Variants in HMG20A observed in about 807,000 individuals in gnomAD.
HMG20A encodes high mobility group protein 20A.
HMG20A carries 17 observed loss-of-function variants against 43.9 expected under a neutral mutation model. The ratio of observed to expected loss-of-function variants is 0.39; its 90% CI spans 0.27 to 0.58. The LOEUF is 0.58. Ranked by LOEUF, HMG20A falls within the 20% of genes least tolerant of loss-of-function variation. HMG20A has a pLI of 0.59. For missense variants in HMG20A, 341 were observed against 438.2 expected (o/e 0.78, Z 1.98); for synonymous variants, 132 against 147.5 (o/e 0.89, Z 0.76).
At chr15:77,467,330 CTTTG>C (rs768727007) in intron 4 of HMG20A, 23 bp downstream of exon 4, 4 of 1,569,976 alleles carry the variant, frequency 2.5e-6, no homozygotes, top group Non-Finnish European at 3.5e-6. Flanking sequence ...ATTCCTGACT[CTTTG>C]TTTGGTTTTG....
intron 1 of HMG20A, among the ~76,000 whole-genome samples, chr15:77,435,686 C>T (rs945268270): frequency 5.9e-5 from 9 of 152,174 alleles, no homozygotes; most frequent in African/African-American, 2.2e-4. Context: ...TATACACAAA[C>T]CATGTAGGTG....
intron 3 of HMG20A, among the ~76,000 whole-genome samples, chr15:77,466,150 G>T (rs1367014941): frequency 2.0e-5 from 3 of 152,164 alleles, no homozygotes; most frequent in Non-Finnish European, 4.4e-5. Flanking sequence ...GGAGGCTGAG[G>T]CTGGTGGATC....
chr15:77,497,676 AGAGAGAGTGTGTGT>A, the HMG20A span, among the ~76,000 whole-genome samples: 1 of 128,948 alleles, frequency 7.8e-6, no homozygotes, highest in African/African-American at 2.8e-5. Flanking sequence ...AGAGAGAGAG[AGAGAGAGTGTGTGT>A]GTGTGTGTGT....
intron 1 of HMG20A, among the ~76,000 whole-genome samples, chr15:77,450,447 A>G (rs1306160808): frequency 6.6e-6 from 1 of 152,210 alleles, no homozygotes; most frequent in African/African-American, 2.4e-5. Context: ...TATTTTGTGT[A>G]TGAAACAAAG....
rs537660882 is a variant in HMG20A at position 77,438,745 on chromosome 15, C to T, written c.-5+17741C>T. ...AAACCCTTGAAAAAATGCCTGTTTA[C>T]TACCAATTTTAAACCAGATAAATTT... On this transcript the variant is annotated intron_variant, in intron 1 of 9. Transcript: ENST00000336216. Among the ~76,000 whole-genome samples, 6 of 152,248 alleles carry T rather than the reference C, an allele frequency of 3.9e-5. No individual in the cohort carries two copies. In the East Asian group the frequency reaches 1.2e-3, roughly 29 times the overall value.
Position 77,471,798 on chromosome 15 carries a change from C to A in HMG20A, c.599C>A (p.Ala200Asp). The A allele has an allele frequency of 6.4e-7, 1 of 1,568,714 alleles. No individual in the cohort carries two copies. Among genetic ancestry groups the A allele is most frequent in the Non-Finnish European group, 8.7e-7 (1 of 1,145,954 alleles). Residue 200 changes from alanine to aspartate, a missense_variant, in exon 6 of 10, where the codon GCC becomes GAC. By Grantham distance (126) the Ala-to-Asp change is moderately radical. Around this residue, in one of 3 missense-constraint regions of HMG20A, gnomAD observed 220 missense variants for 263.6 expected, o/e 0.83. Transcript: ENST00000336216. Reference sequence around the variant, plus strand: ...ATATTTTTAGATGCAGCCCGGCAGGCCACTCATGATCATGAGGTAATTAGC... The same window carrying A: ...ATATTTTTAGATGCAGCCCGGCAGGACACTCATGATCATGAGGTAATTAGC... ...KSHRQDAARQ[A>D]THDHEKETEV...
intron 8 of HMG20A, among the ~76,000 whole-genome samples, chr15:77,478,808 G>A (rs2072880995): frequency 6.6e-6 from 1 of 152,140 alleles, no homozygotes; most frequent in Non-Finnish European, 1.5e-5. Flanking sequence ...TAAATCTTGA[G>A]AGTGTTTCTT....
the HMG20A span, among the ~76,000 whole-genome samples, chr15:77,509,147 A>G: frequency 6.6e-6 from 1 of 152,078 alleles, no homozygotes; most frequent in East Asian, 1.9e-4. Flanking sequence ...GCTTGATGCT[A>G]CTGTCATGAA....
chr15:77,436,112 A>G (rs901780886), intron 1 of HMG20A, among the ~76,000 whole-genome samples: 8 of 152,246 alleles, frequency 5.3e-5, no homozygotes, highest in African/African-American at 1.9e-4. Context: ...GCATCTTAAA[A>G]TGAACATGTC....
intron 6 of HMG20A, among the ~76,000 whole-genome samples, chr15:77,476,195 G>A (rs1443799604): frequency 6.6e-6 from 1 of 152,028 alleles, no homozygotes; most frequent in Non-Finnish European, 1.5e-5. Flanking sequence ...TAAAAAACTA[G>A]TGGAGGCTGG....
chr15:77,449,100 T>C (rs1595919323), intron 1 of HMG20A, among the ~76,000 whole-genome samples: 3 of 152,112 alleles, frequency 2.0e-5, no homozygotes, highest in Admixed American at 2.0e-4. Context: ...CATAGGAGCC[T>C]GGACTATCAA....
chr15:77,423,468 T>C (rs1438830066), intron 1 of HMG20A, among the ~76,000 whole-genome samples: 1 of 152,224 alleles, frequency 6.6e-6, no homozygotes, highest in African/African-American at 2.4e-5. Context: ...TTTTTGTACA[T>C]GTACTGTTAC....
intron 2 of HMG20A, among the ~76,000 whole-genome samples, chr15:77,462,120 C>T (rs1045996890): frequency 1.3e-5 from 2 of 152,176 alleles, no homozygotes; most frequent in Non-Finnish European, 2.9e-5. Context: ...TCTCGGTCCA[C>T]TGTAATCTGG....
chr15:77,477,457 A>C (rs943468930), intron 6 of HMG20A, 98 bp from the exon 7 acceptor site: 3 of 853,042 alleles, frequency 3.5e-6, no homozygotes, highest in African/African-American at 1.7e-5. Context: ...TGCTCACCCT[A>C]TTCTTTCTTT....
the HMG20A span, among the ~76,000 whole-genome samples, chr15:77,514,377 G>A: frequency 5.9e-5 from 9 of 152,172 alleles, no homozygotes; most frequent in Admixed American, 1.3e-4. Context: ...TACCAAAGTC[G>A]ATTTAATGAT....
chr15:77,427,717 A>G (rs1282800146), intron 1 of HMG20A, among the ~76,000 whole-genome samples: 1 of 152,194 alleles, frequency 6.6e-6, no homozygotes, highest in Non-Finnish European at 1.5e-5. Context: ...CAGCTCAAAA[A>G]AAAATTTTAT....
At chr15:77,504,481 G>C in the HMG20A span, among the ~76,000 whole-genome samples, 4 of 152,238 alleles carry the variant, frequency 2.6e-5, no homozygotes, top group African/African-American at 9.7e-5. Flanking sequence ...AACCCTTTGC[G>C]CGGGGTGCGC....
the HMG20A span, among the ~76,000 whole-genome samples, chr15:77,492,898 G>A: frequency 7.2e-5 from 11 of 152,266 alleles, no homozygotes; most frequent in African/African-American, 1.9e-4. Context: ...GAGACATTTG[G>A]GAGTTTGACT....
chr15:77,487,882 C>T (rs1450832931), downstream of HMG20A, among the ~76,000 whole-genome samples: 1 of 152,090 alleles, frequency 6.6e-6, no homozygotes, highest in Non-Finnish European at 1.5e-5. Context: ...TATATGCCAG[C>T]CCATTAAAGA....
Sources: gnomAD v4.1 joint callset for allele counts (sites outside exome capture counted in the v4.1 genomes callset) on GRCh38, gnomAD v4.1.1 for gene constraint, gnomAD v4.1.1 regional missense constraint, MANE v1.5 for transcripts, NCBI Gene and HGNC (gene_info 2026-07-23, HGNC 2026-07-21) for gene names.